Variants in KCNQ3 observed in about 807,000 individuals in gnomAD.
KCNQ3 encodes potassium voltage-gated channel subfamily KQT member 3.
In KCNQ3, 30 loss-of-function variants were observed where a neutral mutation model predicts 92.5. That is an observed-to-expected ratio of 0.32 (90% CI 0.24 to 0.44). The LOEUF is 0.44. Ranked by LOEUF, KCNQ3 falls within the 20% of genes least tolerant of loss-of-function variation. KCNQ3 has a pLI of 1.00. For synonymous variants in KCNQ3, 450 were observed against 468.8 expected (o/e 0.96, Z 0.52); for missense variants, 913 against 1,140.3 (o/e 0.80, Z 2.87).
At chr8:132,429,022 C>G (rs1056201594) in intron 1 of KCNQ3, among the ~76,000 whole-genome samples, 1 of 152,196 alleles carries the variant, frequency 6.6e-6, no homozygotes, top group Non-Finnish European at 1.5e-5. Flanking sequence ...TCCAGACCAT[C>G]AACTAGGGGA....
rs946211645 is a variant in KCNQ3, at chr8:132,395,085, C to A, written c.386+85062G>T. ...GTGCTTCATTACTGTTCCCTTCCAACCCTGCTGGTTTTTAAAAATTTAATG... is the reference window on the plus strand; with the variant it reads ...GTGCTTCATTACTGTTCCCTTCCAAACCTGCTGGTTTTTAAAAATTTAATG... On this transcript the variant is annotated intron_variant, in intron 1 of 14. Coordinates refer to ENST00000388996, the MANE Select transcript of KCNQ3 (RefSeq NM_004519.4). Among the ~76,000 whole-genome samples the A allele has an allele frequency of 1.1e-4, 16 of 152,154 alleles. No homozygotes were observed. In the East Asian group the frequency reaches 2.7e-3, roughly 26 times the overall value.
At chr8:132,387,769 G>A (rs1819926136) in intron 1 of KCNQ3, among the ~76,000 whole-genome samples, 1 of 152,164 alleles carries the variant, frequency 6.6e-6, no homozygotes, top group African/African-American at 2.4e-5. Context: ...GGGAGGCCAA[G>A]GCAGGAGGAT....
In KCNQ3 at chr8:132,388,909, T is replaced by C. The variant is rs141623084; in HGVS notation, c.386+91238A>G. ...TTCCATTCTATGATTTGGAGTATAGTGGGAAACTTAAATACCGACACATAC... is the reference window on the plus strand; with the variant it reads ...TTCCATTCTATGATTTGGAGTATAGCGGGAAACTTAAATACCGACACATAC... On this transcript the variant is annotated intron_variant, in intron 1 of 14. Transcript: ENST00000388996. 7.3e-3 allele frequency among the ~76,000 whole-genome samples: 1,113 copies of C among 152,290 alleles called. 6 individuals are homozygous for C. Among genetic ancestry groups the C allele is most frequent in the Non-Finnish European group, 0.01 (703 of 68,028 alleles).
intron 1 of KCNQ3, among the ~76,000 whole-genome samples, chr8:132,334,993 T>TCTTC (rs68135959): frequency 0.044 from 6,649 of 149,594 alleles, 177 homozygotes; most frequent in African/African-American, 0.059. Flanking sequence ...TAGACATTTT[T>TCTTC]CTTCCTTCCT....
At chr8:132,441,673 CT>C (rs1432213477) in intron 1 of KCNQ3, among the ~76,000 whole-genome samples, 4 of 152,156 alleles carry the variant, frequency 2.6e-5, no homozygotes, top group Non-Finnish European at 5.9e-5. Context: ...GGCTTTCTGT[CT>C]TTAGGTCTTT....
intron 1 of KCNQ3, among the ~76,000 whole-genome samples, chr8:132,334,562 T>C (rs1050156160): frequency 1.3e-5 from 2 of 152,252 alleles, no homozygotes; most frequent in African/African-American, 4.8e-5. Flanking sequence ...TTTCAGTTGC[T>C]TTCTAAAAGG....
intron 1 of KCNQ3, among the ~76,000 whole-genome samples, chr8:132,367,438 C>T (rs1819352900): frequency 6.6e-6 from 1 of 152,168 alleles, no homozygotes. Flanking sequence ...TTATTTAAAC[C>T]TGAGGGCAAG....
Position 132,303,677 on chromosome 8 carries a change from T to TATATATATATACACACAC in KCNQ3, c.387-117497_387-117496insGTGTGTGTATATATATAT, listed in dbSNP as rs376933089. On this transcript the variant is annotated intron_variant, in intron 1 of 14. Transcript: ENST00000388996. ...TTTATGGTGTGTGTGTATATATATA[T>TATATATATATACACACAC]ACACACACACAGCCACACCACACAC... Among the ~76,000 whole-genome samples, 208 of 85,998 alleles carry TATATATATATACACACAC rather than the reference T, an allele frequency of 2.4e-3. 20 individuals carry two copies. Among genetic ancestry groups the TATATATATATACACACAC allele is most frequent in the African/African-American group, 9.1e-3 (203 of 22,188 alleles). 56.4% of individuals were successfully genotyped at this position (85,998 alleles called of 152,430 possible).
At chr8:132,317,451 C>T (rs1295446796) in intron 1 of KCNQ3, among the ~76,000 whole-genome samples, 1 of 152,212 alleles carries the variant, frequency 6.6e-6, no homozygotes, top group Non-Finnish European at 1.5e-5. Context: ...TCACATACTA[C>T]TTTTAGGATT....
chr8:132,184,730 G>C (rs1277037492), intron 2 of KCNQ3, among the ~76,000 whole-genome samples: 2 of 152,170 alleles, frequency 1.3e-5, no homozygotes, highest in African/African-American at 4.8e-5. Context: ...AGAGAGATAT[G>C]AGTGAAACAC....
At chr8:132,339,834 C>T (rs1818467638) in intron 1 of KCNQ3, among the ~76,000 whole-genome samples, 2 of 152,106 alleles carry the variant, frequency 1.3e-5, no homozygotes, top group Middle Eastern at 3.4e-3. Context: ...ACACCCAGAC[C>T]CTGGGAACAG....
At position 132,163,477 on chromosome 8, in the gene KCNQ3, G is replaced by A. The variant is rs1244488061; in HGVS notation, c.1253C>T (p.Ala418Val). 6.2e-7 allele frequency: 1 copy of A among 1,612,220 alleles called. No individual in the cohort carries two copies. Among genetic ancestry groups the A allele is most frequent in the Non-Finnish European group, 8.5e-7 (1 of 1,178,298 alleles). The change falls in exon 9 of 15, where the codon GCA becomes GTA. Residue 418 changes from alanine (A) to valine (V), a missense_variant. Transcript: ENST00000388996. Reference sequence around the variant, plus strand: ...ATAATCAGAAACTTACCTGGATGCTGCCTCCAGCTGTTCTTTCCTAGAAAG... The same window carrying A: ...ATAATCAGAAACTTACCTGGATGCTACCTCCAGCTGTTCTTTCCTAGAAAG... Reference protein sequence around the residue: ...FPFFRKEQLEAASSQKLGLLD... With the variant: ...FPFFRKEQLEVASSQKLGLLD...
chr8:132,370,099 C>T (rs899628854), intron 1 of KCNQ3, among the ~76,000 whole-genome samples: 1 of 152,148 alleles, frequency 6.6e-6, no homozygotes, highest in African/African-American at 2.4e-5. Context: ...TATCTAGGCA[C>T]CTCCTCTGCC....
At chr8:132,405,624 G>A (rs1820455410) in intron 1 of KCNQ3, among the ~76,000 whole-genome samples, 2 of 152,154 alleles carry the variant, frequency 1.3e-5, no homozygotes, top group Admixed American at 1.3e-4. Flanking sequence ...ATGATGGGGG[G>A]ACCCTGCCTT....
chr8:132,208,200 A>G (rs1025287409), intron 1 of KCNQ3, among the ~76,000 whole-genome samples: 1 of 152,142 alleles, frequency 6.6e-6, no homozygotes, highest in Non-Finnish European at 1.5e-5. Context: ...TTCTGCCCTT[A>G]AGATATGCAT....
At chr8:132,424,523 G>C (rs945509432) in intron 1 of KCNQ3, among the ~76,000 whole-genome samples, 23 of 152,204 alleles carry the variant, frequency 1.5e-4, no homozygotes, top group Non-Finnish European at 2.9e-4. Flanking sequence ...CCAGGGCTCT[G>C]GGGACTCAGG....
intron 1 of KCNQ3, among the ~76,000 whole-genome samples, chr8:132,272,680 A>T (rs1203593374): frequency 6.6e-6 from 1 of 152,182 alleles, no homozygotes; most frequent in Admixed American, 6.5e-5. Context: ...AAGCCATCAG[A>T]TCTCATGAGA....
chr8:132,396,139 A>G (rs1820186033), intron 1 of KCNQ3, among the ~76,000 whole-genome samples: 1 of 152,132 alleles, frequency 6.6e-6, no homozygotes, highest in Non-Finnish European at 1.5e-5. Context: ...CAAAACCTTC[A>G]TTTCCGACCC....
At chr8:132,356,987 T>A (rs1339331700) in intron 1 of KCNQ3, among the ~76,000 whole-genome samples, 1 of 149,214 alleles carries the variant, frequency 6.7e-6, no homozygotes, top group Non-Finnish European at 1.5e-5. Flanking sequence ...GAGACTATAG[T>A]AAATCTAAAA....
Sources: allele counts gnomAD v4.1 joint callset (sites outside exome capture counted in the v4.1 genomes callset), GRCh38; gene constraint gnomAD v4.1.1; transcripts MANE v1.5; gene names NCBI Gene and HGNC (gene_info 2026-07-23, HGNC 2026-07-21).